ZCWPW2: variants seen among roughly 807,000 people sequenced by gnomAD.
ZCWPW2 encodes the protein zinc finger CW-type PWWP domain protein 2.
Under a neutral mutation model 46.6 loss-of-function variants are expected in ZCWPW2, and 45 were observed. That is an observed-to-expected ratio of 0.96 (90% confidence interval 0.76 to 1.24). The LOEUF (loss-of-function observed/expected upper bound fraction) is 1.24. ZCWPW2 is among the 50% of genes most tolerant of loss of function. The probability of loss-of-function intolerance (pLI) is 0.00; values close to 1 mark genes in which losing one functional copy is unlikely to be tolerated. For synonymous variants in ZCWPW2, 152 were observed against 137.1 expected, an observed-to-expected ratio of 1.11 and a Z score of -0.76; for missense variants, 429 against 403.9, an observed-to-expected ratio of 1.06 and a Z score of -0.53.
chr3:28,456,785 A>C (rs959266794), intron 4 of ZCWPW2, among the ~76,000 whole-genome samples: 1 of 152,080 alleles, frequency 6.6e-6, no homozygotes, highest in South Asian at 2.1e-4. Context: ...ATTGATTTGC[A>C]TATGTTGAAC....
intron 4 of ZCWPW2, among the ~76,000 whole-genome samples, chr3:28,442,458 A>G (rs917236911): frequency 2.0e-5 from 3 of 152,154 alleles, no homozygotes; most frequent in African/African-American, 7.2e-5. Context: ...AATATAATGG[A>G]CCAGTGTGAT....
rs1427549223 is a variant in ZCWPW2 at position 28,348,796 on chromosome 3, G to C, written c.-541G>C. The stretch of plus-strand genomic sequence containing the variant: ...GAGGGAGTCCCATTTCTTCTGACTC[G>C]GCAGGAGCCCGGGACGTTCTGGAAG... On this transcript the variant is annotated 5_prime_UTR_variant, in exon 1 of 10. Transcript: ENST00000383768. 2 of 238,134 alleles carry C rather than the reference G, an allele frequency of 8.4e-6. No individual in the cohort carries two copies. Among genetic ancestry groups the C allele is most frequent in the Non-Finnish European group, 1.4e-5 (2 of 146,404 alleles). The allele number at this position is 238,134 out of a possible 1,614,324, so 14.8% of individuals were successfully genotyped here. A position where few individuals can be genotyped will look rare whatever the true frequency, so the allele number is the denominator to read the frequency against.
chr3:28,437,273 C>G (rs183832294), intron 4 of ZCWPW2, among the ~76,000 whole-genome samples: 1 of 152,124 alleles, frequency 6.6e-6, no homozygotes, highest in African/African-American at 2.4e-5. Flanking sequence ...ATTGCTAAAT[C>G]TTACTTCATA....
chr3:28,504,160 G>A (rs541701802), intron 6 of ZCWPW2, among the ~76,000 whole-genome samples: 1 of 152,180 alleles, frequency 6.6e-6, no homozygotes, highest in Admixed American at 6.5e-5. Context: ...TTGCGCCACT[G>A]CACTCCAGCC....
intron 1 of ZCWPW2, among the ~76,000 whole-genome samples, chr3:28,388,486 C>A (rs1176249847): frequency 6.6e-6 from 1 of 152,136 alleles, no homozygotes; most frequent in African/African-American, 2.4e-5. Context: ...TTGCAAAGTC[C>A]ATGTGTGATG....
At chr3:28,421,175 G>C (rs1358636333) in intron 3 of ZCWPW2, among the ~76,000 whole-genome samples, 1 of 152,060 alleles carries the variant, frequency 6.6e-6, no homozygotes, top group South Asian at 2.1e-4. Context: ...GGGAGGGAAG[G>C]GTGCCTCAAT....
intron 3 of ZCWPW2, among the ~76,000 whole-genome samples, chr3:28,426,298 T>C (rs1697008872): frequency 6.6e-6 from 1 of 151,738 alleles, no homozygotes; most frequent in African/African-American, 2.4e-5. Flanking sequence ...GAGTCTGGAC[T>C]CTTTAGAGAA....
intron 1 of ZCWPW2, among the ~76,000 whole-genome samples, chr3:28,355,992 G>A (rs1704715911): frequency 6.6e-6 from 1 of 152,188 alleles, no homozygotes; most frequent in African/African-American, 2.4e-5. Flanking sequence ...AGCCAGAATT[G>A]ACAAATGGAA....
intron 4 of ZCWPW2, among the ~76,000 whole-genome samples, chr3:28,436,221 G>T (rs1315031916): frequency 1.3e-5 from 2 of 151,796 alleles, no homozygotes; most frequent in East Asian, 3.9e-4. Context: ...TTCTAATATT[G>T]AAACTTTTCA....
At chr3:28,481,146 G>A (rs1559522623) in intron 5 of ZCWPW2, among the ~76,000 whole-genome samples, 1 of 152,028 alleles carries the variant, frequency 6.6e-6, no homozygotes, top group African/African-American at 2.4e-5. Context: ...GTAGGTATGC[G>A]GCGTTATTTC....
rs373040439 is a variant in ZCWPW2 at position 28,380,975 on chromosome 3, GTATATA to G, written c.-133-9507_-133-9502del. On this transcript the variant is annotated intron_variant, in intron 1 of 9. Transcript: ENST00000383768. ...ATATATATATATATATATATATTTGGTATATATATATATATATATATTTGGTATATA... is the reference window on the plus strand; with the variant it reads ...ATATATATATATATATATATATTTGGTATATATATATATATTTGGTATATA... Among the ~76,000 whole-genome samples, 3 of 6,744 alleles carry G rather than the reference GTATATA, an allele frequency of 4.4e-4. 1 individual carries two copies. The highest frequency in any genetic ancestry group is 1.0e-3 in the African/African-American group (3 of 2,936). The allele number at this position is 6,744 out of a possible 152,430, so 4.4% of individuals were successfully genotyped here. A position where few individuals can be genotyped will look rare whatever the true frequency, so the allele number is the denominator to read the frequency against.
intron 6 of ZCWPW2, among the ~76,000 whole-genome samples, chr3:28,510,291 G>T (rs1700391425): frequency 1.3e-5 from 2 of 152,154 alleles, no homozygotes; most frequent in African/African-American, 2.4e-5. Context: ...CTAAAGAAGA[G>T]TATATTGCCC....
intron 4 of ZCWPW2, among the ~76,000 whole-genome samples, chr3:28,457,384 A>G (rs1698466429): frequency 6.6e-6 from 1 of 152,224 alleles, no homozygotes. Flanking sequence ...TATAAAAAAT[A>G]AGCAAATATG....
chr3:28,400,606 A>G (rs1477964328), intron 2 of ZCWPW2, among the ~76,000 whole-genome samples: 2 of 152,198 alleles, frequency 1.3e-5, no homozygotes, highest in African/African-American at 2.4e-5. Flanking sequence ...CAGAAACCCT[A>G]CAAGCTAGAA....
chr3:28,368,765 G>T (rs143446283), intron 1 of ZCWPW2, among the ~76,000 whole-genome samples: 294 of 152,272 alleles, frequency 1.9e-3, no homozygotes, highest in African/African-American at 6.6e-3. Flanking sequence ...TTCCAACTTG[G>T]TTCCATTCTC....
chr3:28,490,291 C>A (rs559728765), intron 5 of ZCWPW2, among the ~76,000 whole-genome samples: 1 of 152,256 alleles, frequency 6.6e-6, no homozygotes, highest in South Asian at 2.1e-4. Context: ...ACAGAACCAT[C>A]ATTTGACCCA....
chr3:28,435,235 C>G lies in ZCWPW2; in HGVS notation c.458C>G (p.Ala153Gly). ...GDPHSRSWIK[A>G]TFVGHYSITL... ...CCCCATTCAAGATCATGGATAAAGG[C>G]AACATTCGTTGGACATTATAGTATC... The change falls in exon 4 of 10, where the codon GCA (alanine) becomes GGA (glycine). Residue 153 changes from alanine to glycine, a missense_variant. Transcript: ENST00000383768. 1.2e-6 allele frequency: 2 copies of G among 1,613,138 alleles called. No individual in the cohort carries two copies. The highest frequency in any genetic ancestry group is 2.2e-5 in the South Asian group (2 of 90,804).
At chr3:28,453,254 A>G (rs929181829) in intron 4 of ZCWPW2, among the ~76,000 whole-genome samples, 2 of 152,198 alleles carry the variant, frequency 1.3e-5, no homozygotes, top group Non-Finnish European at 2.9e-5. Flanking sequence ...ATTCACTCAC[A>G]TTTATATATG....
At chr3:28,521,585 C>T (rs1166227698) in intron 9 of ZCWPW2, among the ~76,000 whole-genome samples, 1 of 152,120 alleles carries the variant, frequency 6.6e-6, no homozygotes, top group African/African-American at 2.4e-5. Context: ...TAAGTTTTAC[C>T]ATTTATATGT....
Sources: allele counts gnomAD v4.1 joint callset (sites outside exome capture counted in the v4.1 genomes callset), GRCh38; gene constraint gnomAD v4.1.1; transcripts MANE v1.5; gene names NCBI Gene and HGNC (gene_info 2026-07-23, HGNC 2026-07-21).